CEMIP: variants seen among roughly 807,000 people sequenced by gnomAD.
The protein encoded by CEMIP is cell migration inducing hyaluronidase 1.
In CEMIP, 105 loss-of-function variants were observed where a neutral mutation model predicts 156.9. The ratio of observed to expected loss-of-function variants is 0.67; its 90% confidence interval spans 0.57 to 0.79. CEMIP has a LOEUF of 0.79. CEMIP is among the 30% of genes least tolerant of loss of function. CEMIP has a pLI of 0.00. For synonymous variants in CEMIP, 676 were observed against 668.4 expected, an observed-to-expected ratio of 1.01 and a Z score of -0.17; for missense variants, 1,457 against 1,769.4, an observed-to-expected ratio of 0.82 and a Z score of 3.17.
At chr15:80,869,954 C>T (rs1898234722) in intron 1 of CEMIP, among the ~76,000 whole-genome samples, 1 of 152,196 alleles carries the variant, frequency 6.6e-6, no homozygotes, top group South Asian at 2.1e-4. Flanking sequence ...TCTTTCATGC[C>T]ATGGACTGTC....
chr15:80,900,984 G>C, intron 12 of CEMIP: 1 of 455,240 alleles, frequency 2.2e-6, no homozygotes, highest in Non-Finnish European at 4.4e-6. Flanking sequence ...AAACAGATGG[G>C]GGTAACATAG....
intron 1 of CEMIP, among the ~76,000 whole-genome samples, chr15:80,854,145 G>T (rs1656997972): frequency 6.6e-6 from 1 of 152,236 alleles, no homozygotes; most frequent in Admixed American, 6.5e-5. Context: ...TCCTCTCTCT[G>T]CCAGGACCAC....
chr15:80,815,490 T>C (rs925146009), intron 1 of CEMIP, among the ~76,000 whole-genome samples: 2 of 152,246 alleles, frequency 1.3e-5, no homozygotes, highest in African/African-American at 4.8e-5. Flanking sequence ...CAATGCCTGG[T>C]ATATAGTAGA....
intron 10 of CEMIP, among the ~76,000 whole-genome samples, chr15:80,890,085 A>G (rs368670884): frequency 3.9e-5 from 6 of 152,310 alleles, no homozygotes; most frequent in Admixed American, 6.5e-5. Context: ...TCTGAAGGGG[A>G]CCTTGATGTT....
chr15:80,816,359 A>G (rs34320247), intron 1 of CEMIP, among the ~76,000 whole-genome samples: 15,582 of 152,246 alleles, frequency 0.1, 997 homozygotes, highest in Non-Finnish European at 0.14. Context: ...TGAGGGAGGC[A>G]GGAAAGTTGT....
intron 16 of CEMIP, among the ~76,000 whole-genome samples, chr15:80,921,718 G>T (rs1348780421): frequency 6.6e-6 from 1 of 152,222 alleles, no homozygotes; most frequent in African/African-American, 2.4e-5. Context: ...CCCATTGTGT[G>T]TCAGGAAGAG....
chr15:80,793,264 G>T (rs912583115), intron 1 of CEMIP, among the ~76,000 whole-genome samples: 3 of 152,274 alleles, frequency 2.0e-5, no homozygotes, highest in East Asian at 3.9e-4. Context: ...TCCCCCTTCT[G>T]CTCTCTGAAA....
At chr15:80,917,798 G>C (rs1190460214) in intron 14 of CEMIP, among the ~76,000 whole-genome samples, 1 of 152,134 alleles carries the variant, frequency 6.6e-6, no homozygotes, top group Admixed American at 6.5e-5. Flanking sequence ...CAAATCACTT[G>C]CTTTCTCTGA....
At position 80,898,709 on chromosome 15, in the gene CEMIP, G is replaced by A. The variant is rs960946346; in HGVS notation, c.1411+2649G>A. ...ATTACAAGCATAAGCCACCACACCCGGCTATCATCATTATTAATGAACATA... is the reference window on the plus strand; with the variant it reads ...ATTACAAGCATAAGCCACCACACCCAGCTATCATCATTATTAATGAACATA... On this transcript the variant is annotated intron_variant, in intron 12 of 29. Transcript: ENST00000394685. Among the ~76,000 whole-genome samples the A allele has an allele frequency of 4.6e-5, 7 of 152,088 alleles. No homozygotes were observed. The East Asian group carries it at 5.8e-4, about 13-fold the overall frequency.
chr15:80,924,573 T>C (rs1356650285), intron 17 of CEMIP, 48 bp from the exon 18 acceptor site: 1 of 1,522,612 alleles, frequency 6.6e-7, no homozygotes, highest in Non-Finnish European at 9.1e-7. Flanking sequence ...ACGATGCCTG[T>C]AGCCCACAGT....
chr15:80,903,028 A>C (rs1368314941), intron 12 of CEMIP: 1 of 152,166 alleles, frequency 6.6e-6, no homozygotes, highest in Non-Finnish European at 1.5e-5. Context: ...CACAGCTGTG[A>C]GCTGAGTTGG....
intron 17 of CEMIP, among the ~76,000 whole-genome samples, chr15:80,922,381 G>C (rs1279255664): frequency 1.3e-5 from 2 of 152,226 alleles, no homozygotes; most frequent in Non-Finnish European, 2.9e-5. Flanking sequence ...GAGCCAAAAG[G>C]AGCAAGTTGT....
chr15:80,929,668 T>C (rs1900831949), intron 21 of CEMIP, among the ~76,000 whole-genome samples: 1 of 152,230 alleles, frequency 6.6e-6, no homozygotes, highest in South Asian at 2.1e-4. Flanking sequence ...GGGGATATTG[T>C]TACATGTTCT....
intron 1 of CEMIP, among the ~76,000 whole-genome samples, chr15:80,866,242 A>G (rs1283178120): frequency 6.6e-6 from 1 of 152,174 alleles, no homozygotes; most frequent in East Asian, 1.9e-4. Flanking sequence ...TTGGCTCTGT[A>G]GGTGGTTCCC....
At chr15:80,786,778 T>C (rs1398837498) in intron 1 of CEMIP, among the ~76,000 whole-genome samples, 1 of 152,098 alleles carries the variant, frequency 6.6e-6, no homozygotes, top group East Asian at 1.9e-4. Flanking sequence ...CAAACAAAGT[T>C]GTGAGCTTTT....
intron 1 of CEMIP, among the ~76,000 whole-genome samples, chr15:80,825,432 C>T (rs954181176): frequency 2.6e-5 from 4 of 152,204 alleles, no homozygotes; most frequent in Admixed American, 2.0e-4. Flanking sequence ...AAGGCCCAAG[C>T]CCTTTCCCCC....
intron 12 of CEMIP, among the ~76,000 whole-genome samples, chr15:80,900,654 G>C (rs1899480412): frequency 2.1e-5 from 3 of 140,192 alleles, no homozygotes; most frequent in Non-Finnish European, 4.7e-5. Flanking sequence ...GTGTGTCTGT[G>C]TGTGTGTCTG....
Position 80,873,714 on chromosome 15 carries a change from G to C in CEMIP, c.-17+18G>C, listed in dbSNP as rs371697508. On this transcript the variant is annotated intron_variant, in intron 2 of 29. Transcript: ENST00000394685. The stretch of plus-strand genomic sequence containing the variant: ...AGCCACTGGTGAGGACGCTGCACTG[G>C]AGTGTGGGCTGGCTGAGTGTGCCCA... The C allele has an allele frequency of 1.2e-3, 758 of 644,858 alleles. 9 individuals carry two copies. The East Asian group carries it at 0.02, about 17-fold the overall frequency. The allele number at this position is 644,858 out of a possible 1,614,324, so 39.9% of individuals were successfully genotyped here.
At chr15:80,889,719 A>G in intron 10 of CEMIP, 127 bp downstream of exon 10, 1 of 1,179,972 alleles carries the variant, frequency 8.5e-7, no homozygotes, top group Non-Finnish European at 1.2e-6. Flanking sequence ...TAGGTCAGCC[A>G]AAGAGTACCA....
Sources: allele counts gnomAD v4.1 joint callset (sites outside exome capture counted in the v4.1 genomes callset), GRCh38; gene constraint gnomAD v4.1.1; transcripts MANE v1.5; gene names NCBI Gene and HGNC (gene_info 2026-07-23, HGNC 2026-07-21).